The following ZC3H12B variants were observed in gnomAD, a reference collection of about 807,000 sequenced individuals.
The protein encoded by ZC3H12B is zinc finger CCCH-type containing 12B.
A neutral mutation model predicts 43.9 loss-of-function variants in ZC3H12B; 7 were observed. That is an observed-to-expected ratio of 0.16 (90% CI 0.09 to 0.30). The LOEUF (loss-of-function observed/expected upper bound fraction) is 0.30, where lower values mean the gene tolerates loss of function less well. Ranked by LOEUF, ZC3H12B falls within the 10% of genes least tolerant of loss-of-function variation. The pLI is 1.00. For synonymous variants in ZC3H12B, 222 were observed against 241.7 expected (o/e 0.92, Z 0.76); for missense variants, 475 against 670.2 (o/e 0.71, Z 3.22).
the ZC3H12B span, among the ~76,000 whole-genome samples, chrX:65,064,012 A>G: frequency 9.0e-6 from 1 of 111,468 alleles, no homozygotes; most frequent in African/African-American, 3.3e-5. Flanking sequence ...TATCCCTTTT[A>G]TCATTTTTAT....
At chrX:65,404,455 GA>G (rs1439611190) in intron 3 of ZC3H12B, among the ~76,000 whole-genome samples, 1 of 111,232 alleles carries the variant, frequency 9.0e-6, no homozygotes, top group African/African-American at 3.3e-5. Context: ...TTGCCTACTA[GA>G]AACACACTTT....
chrX:65,382,274 C>T (rs2066453436), intron 2 of ZC3H12B, among the ~76,000 whole-genome samples: 2 of 109,621 alleles, frequency 1.8e-5, no homozygotes, highest in East Asian at 2.8e-4. Flanking sequence ...GGGCTTCATC[C>T]CTGGGATGCA....
the ZC3H12B span, among the ~76,000 whole-genome samples, chrX:65,198,962 G>C: frequency 9.0e-6 from 1 of 110,839 alleles, no homozygotes; most frequent in Non-Finnish European, 1.9e-5. Flanking sequence ...GAGTATCTGA[G>C]ATTACAAGCA....
chrX:65,411,942 T>C (rs1007134143), intron 3 of ZC3H12B, among the ~76,000 whole-genome samples: 1 of 109,544 alleles, frequency 9.1e-6, no homozygotes, highest in African/African-American at 3.3e-5. Flanking sequence ...ATAAAAACAA[T>C]ATTACAAATA....
At chrX:65,411,552 C>T (rs2066903374) in intron 3 of ZC3H12B, among the ~76,000 whole-genome samples, 1 of 109,429 alleles carries the variant, frequency 9.1e-6, no homozygotes, top group African/African-American at 3.3e-5. Flanking sequence ...ATGGTGAAAA[C>T]CCGTCTCTAC....
chrX:65,211,350 T>C, the ZC3H12B span, among the ~76,000 whole-genome samples: 6 of 109,021 alleles, frequency 5.5e-5, no homozygotes, highest in African/African-American at 2.0e-4. Flanking sequence ...GGAATAAAAA[T>C]TAACAATAAT....
the ZC3H12B span, among the ~76,000 whole-genome samples, chrX:65,065,219 G>A: frequency 9.1e-6 from 1 of 110,463 alleles, no homozygotes; most frequent in Non-Finnish European, 1.9e-5. Context: ...ATTAATTGAT[G>A]CAGTTTCTTC....
chrX:65,424,949 C>T (rs896752912), intron 3 of ZC3H12B, among the ~76,000 whole-genome samples: 6 of 111,157 alleles, frequency 5.4e-5, no homozygotes, highest in Non-Finnish European at 1.1e-4. Flanking sequence ...TTTTTTTGGG[C>T]TCTATTTTGG....
intron 2 of ZC3H12B, among the ~76,000 whole-genome samples, chrX:65,389,365 C>T (rs1349988805): frequency 1.8e-5 from 2 of 112,342 alleles, no homozygotes; most frequent in African/African-American, 6.5e-5. Flanking sequence ...CTCGCTGCCA[C>T]CTTGCAGTTT....
At chrX:65,200,367 G>C in the ZC3H12B span, among the ~76,000 whole-genome samples, 2 of 106,372 alleles carry the variant, frequency 1.9e-5, no homozygotes, top group Non-Finnish European at 3.9e-5. Flanking sequence ...CAAATATACA[G>C]ATTGCAAAAA....
the ZC3H12B span, among the ~76,000 whole-genome samples, chrX:65,230,626 AC>A: frequency 2.3e-4 from 25 of 108,701 alleles, no homozygotes; most frequent in East Asian, 2.5e-3. Flanking sequence ...AAAAAAAAAA[AC>A]GAATTGAAAT....
the ZC3H12B span, among the ~76,000 whole-genome samples, chrX:65,214,370 A>G: frequency 1.8e-5 from 2 of 112,049 alleles, no homozygotes; most frequent in Non-Finnish European, 3.8e-5. Context: ...ATCCTCTAAA[A>G]TTTTGCTGCT....
Position 65,434,275 on chromosome X carries a change from T to C in ZC3H12B, n.407+35571T>C, listed in dbSNP as rs763276218. On this transcript the variant is annotated intron_variant and non_coding_transcript_variant, in intron 3 of 5. Transcript: ENST00000617377. ...ACAAATATATTTCTCATAGTATTGG[T>C]AAAATATATGTTTTCTGGACCCTCC... is the stretch of plus-strand genomic sequence containing the variant. Among the ~76,000 whole-genome samples the C allele has an allele frequency of 4.6e-4, 52 of 112,027 alleles. 1 individual carries two copies. The highest frequency in any genetic ancestry group is 7.4e-4 in the South Asian group (2 of 2,698).
the ZC3H12B span, among the ~76,000 whole-genome samples, chrX:65,235,554 C>T: frequency 9.0e-6 from 1 of 110,987 alleles, no homozygotes; most frequent in Non-Finnish European, 1.9e-5. Flanking sequence ...GCCCACTCAG[C>T]CTGGCAGGCT....
At chrX:65,481,364 C>T (rs367625844) in intron 3 of ZC3H12B, among the ~76,000 whole-genome samples, 20 of 111,963 alleles carry the variant, frequency 1.8e-4, no homozygotes, top group Admixed American at 1.4e-3. Flanking sequence ...ATGTGAGCAC[C>T]TCACAGGGAC....
intron 3 of ZC3H12B, among the ~76,000 whole-genome samples, chrX:65,437,948 T>C (rs939196065): frequency 8.9e-6 from 1 of 112,463 alleles, no homozygotes; most frequent in Non-Finnish European, 1.9e-5. Flanking sequence ...GTTTCATTCT[T>C]CTGCATATGG....
chrX:65,391,786 G>A (rs753828790), intron 2 of ZC3H12B, among the ~76,000 whole-genome samples: 136 of 110,546 alleles, frequency 1.2e-3, no homozygotes, highest in African/African-American at 4.3e-3. Context: ...CCTCATCTCC[G>A]TCTTCCACTT....
chrX:65,162,888 C>A, the ZC3H12B span, among the ~76,000 whole-genome samples: 48 of 112,044 alleles, frequency 4.3e-4, no homozygotes, highest in South Asian at 7.8e-3. Context: ...TTTTCCCCAT[C>A]TGTGTGGTTT....
At chrX:65,423,789 TCA>T (rs1273167094) in intron 3 of ZC3H12B, among the ~76,000 whole-genome samples, 8 of 111,950 alleles carry the variant, frequency 7.1e-5, no homozygotes, top group African/African-American at 2.6e-4. Flanking sequence ...AAATTTTCTC[TCA>T]TTCTGTAGGT....
Sources: gnomAD v4.1 joint callset for allele counts (sites outside exome capture counted in the v4.1 genomes callset) on GRCh38, gnomAD v4.1.1 for gene constraint, MANE v1.5 for transcripts, NCBI Gene and HGNC (gene_info 2026-07-23, HGNC 2026-07-21) for gene names.